Variants in SLC43A2 observed in about 807,000 individuals in gnomAD.
SLC43A2 encodes the protein large neutral amino acids transporter small subunit 4.
Under a neutral mutation model 63.2 loss-of-function variants are expected in SLC43A2, and 38 were observed. That is an observed-to-expected ratio of 0.60 (90% CI 0.46 to 0.79). The LOEUF is 0.79. Among genes scored for constraint, SLC43A2 ranks in the 30% least tolerant of loss-of-function variants. The pLI, the probability that SLC43A2 is intolerant of heterozygous loss-of-function variation, is 0.00. For synonymous variants in SLC43A2, 322 were observed against 331.0 expected (o/e 0.97, Z 0.30); for missense variants, 644 against 756.2 (o/e 0.85, Z 1.74).
chr17:1,601,729 G>A (rs1465678080), intron 5 of SLC43A2, among the ~76,000 whole-genome samples: 1 of 150,022 alleles, frequency 6.7e-6, no homozygotes, highest in Non-Finnish European at 1.5e-5. Context: ...CTGCCCTCCC[G>A]AAGGTCCAAA....
In SLC43A2 at chr17:1,575,418, G is replaced by T. The variant is rs7342891; in HGVS notation, c.*186C>A. On this transcript the variant is annotated 3_prime_UTR_variant, in exon 14 of 14. Transcript: ENST00000301335. ...GCCCCTGCGTTCGGCAGGAGAAAAC[G>T]CGCGTGTCCGGGGCCCTCTCCCGTC... The T allele has an allele frequency of 0.45, 326,240 of 722,598 alleles. 74,587 individuals carry two copies. The highest frequency in any genetic ancestry group is 0.48 in the Middle Eastern group (1,233 of 2,560). The allele number at this position is 722,598 out of a possible 1,614,324, so 44.8% of individuals were successfully genotyped here.
chr17:1,583,505 C>CAG lies in SLC43A2; in HGVS notation c.1218-170_1218-169insCT. The stretch of plus-strand genomic sequence containing the variant: ...GGGCTGGACCAGCACTACGGACACT[C>CAG]CCCGGCCCTTCTCAGTGGCAAGCTG... On this transcript the variant is annotated intron_variant, in intron 10 of 13. Transcript: ENST00000301335. The surrounding 1 kb of genome is among the most constrained non-coding windows in gnomAD (Gnocchi z 5.5). 7.6e-6 allele frequency: 9 copies of CAG among 1,185,976 alleles called. No homozygotes were observed. The highest frequency in any genetic ancestry group is 1.0e-5 in the Non-Finnish European group (9 of 875,186). The allele number at this position is 1,185,976 out of a possible 1,614,324, so 73.5% of individuals were successfully genotyped here.
intron 6 of SLC43A2, 36 bp from the exon 7 acceptor site, chr17:1,591,735 G>GGGGCA: frequency 1.5e-6 from 1 of 652,928 alleles, no homozygotes; most frequent in South Asian, 1.9e-5. Context: ...GGGGGGGGGA[G>GGGGCA]GGGGCAGAGT....
chr17:1,580,339 C>G (rs1157214745), intron 11 of SLC43A2, among the ~76,000 whole-genome samples: 1 of 152,160 alleles, frequency 6.6e-6, no homozygotes, highest in Non-Finnish European at 1.5e-5. Flanking sequence ...CCGTGGAAGT[C>G]GGCAAACACT....
chr17:1,585,955 C>T lies in SLC43A2; in HGVS notation c.1175G>A (p.Cys392Tyr), dbSNP rs1041921808. The change falls in exon 10 of 14, where the codon TGT becomes TAT. Residue 392 changes from cysteine (C) to tyrosine (Y), a missense_variant. Cys to Tyr is a radical substitution (Grantham distance 194). Coordinates refer to ENST00000301335, the MANE Select transcript of SLC43A2 (RefSeq NM_152346.3). ...GYIMDWRLKE[C>Y]EDASEEPEEK... Reference sequence around the variant, plus strand: ...CTCGGGCTCCTCGGAGGCGTCTTCACACTCCTTCAGCCTCCAGTCCATGAT... The same window carrying T: ...CTCGGGCTCCTCGGAGGCGTCTTCATACTCCTTCAGCCTCCAGTCCATGAT... The T allele has an allele frequency of 6.2e-7, 1 of 1,613,610 alleles. No homozygotes were observed. Among genetic ancestry groups the T allele is most frequent in the Non-Finnish European group, 8.5e-7 (1 of 1,180,020 alleles).
In SLC43A2 at chr17:1,583,887, G is replaced by GT. The variant is rs2076057927; in HGVS notation, c.1218-552dup. 6.6e-6 allele frequency among the ~76,000 whole-genome samples: 1 copy of GT among 151,650 alleles called. No individual in the cohort carries two copies. The highest frequency in any genetic ancestry group is 1.9e-4 in the East Asian group (1 of 5,146). ...ACTGTTTTTTGTTTTGTTTTGTTTTGTTTTTTTGTTCTTTGGGTTTTTTTT... is the reference window on the plus strand; with the variant it reads ...ACTGTTTTTTGTTTTGTTTTGTTTTGTTTTTTTTGTTCTTTGGGTTTTTTTT... On this transcript the variant is annotated intron_variant, in intron 10 of 13. Coordinates refer to ENST00000301335, the MANE Select transcript of SLC43A2 (RefSeq NM_152346.3). This position sits in a 1 kb window ranked among gnomAD's most constrained non-coding sequence, Gnocchi z 5.5.
intron 13 of SLC43A2, among the ~76,000 whole-genome samples, chr17:1,576,097 T>C (rs1422324882): frequency 4.6e-5 from 5 of 108,186 alleles, no homozygotes; most frequent in African/African-American, 1.6e-4. Flanking sequence ...TTTTTTTTTT[T>C]TGAGACGAAG....
intron 1 of SLC43A2, chr17:1,628,329 C>T (rs1312433568): frequency 6.4e-6 from 1 of 155,314 alleles, no homozygotes; most frequent in East Asian, 1.9e-4. Flanking sequence ...CTGCCTCTCC[C>T]AGGGACCCTG....
rs1312434768 is a variant in SLC43A2, at chr17:1,604,387, T to C, written c.501+8808A>G. ...AAATTTGTTTTTGGAGATGAGGTCA[T>C]GCTGTATTGCCCAGGCTGGAGCGCA... On this transcript the variant is annotated intron_variant, in intron 5 of 13. Coordinates refer to ENST00000301335, the MANE Select transcript of SLC43A2 (RefSeq NM_152346.3). 3.5e-5 allele frequency: 8 copies of C among 225,414 alleles called. No individual in the cohort carries two copies. In the South Asian group the frequency reaches 5.5e-4, roughly 16 times the overall value. The allele number at this position is 225,414 out of a possible 1,614,324, so 14.0% of individuals were successfully genotyped here.
At chr17:1,626,084 AAC>A (rs1018369840) in intron 2 of SLC43A2, among the ~76,000 whole-genome samples, 1 of 151,504 alleles carries the variant, frequency 6.6e-6, no homozygotes, top group African/African-American at 2.4e-5. Flanking sequence ...TTAAAAAAAA[AAC>A]ACACAAAAAA....
chr17:1,584,814 C>T (rs919377452), intron 10 of SLC43A2, among the ~76,000 whole-genome samples: 9 of 113,988 alleles, frequency 7.9e-5, no homozygotes, highest in African/African-American at 1.9e-4. Context: ...AGCGAGACTC[C>T]GTCTCAAAAA....
intron 9 of SLC43A2, chr17:1,587,099 G>GCACTGCGTTTCCCA (rs1421811608): frequency 5.0e-5 from 52 of 1,030,940 alleles, no homozygotes; most frequent in African/African-American, 4.1e-4. Flanking sequence ...TGCGTTTCCC[G>GCACTGCGTTTCCCA]CACTGCATTT....
chr17:1,605,142 T>C lies in SLC43A2; in HGVS notation c.501+8053A>G. The C allele has an allele frequency of 7.9e-7, 1 of 1,270,460 alleles. No homozygotes were observed. The highest frequency in any genetic ancestry group is 1.0e-6 in the Non-Finnish European group (1 of 998,914). 78.7% of individuals were successfully genotyped at this position (1,270,460 alleles called of 1,614,324 possible). ...TGCTTCCCACAGCCCCCTCGCCGCCTCTGCCTCCGTGCGGGTCAACCTGTC... is the reference window on the plus strand; with the variant it reads ...TGCTTCCCACAGCCCCCTCGCCGCCCCTGCCTCCGTGCGGGTCAACCTGTC... On this transcript the variant is annotated intron_variant, in intron 5 of 13. Coordinates refer to ENST00000301335, the MANE Select transcript of SLC43A2 (RefSeq NM_152346.3). This position sits in a 1 kb window ranked among gnomAD's most constrained non-coding sequence, Gnocchi z 4.9.
At chr17:1,582,565 G>A (rs530917983) in intron 11 of SLC43A2, among the ~76,000 whole-genome samples, 21 of 152,266 alleles carry the variant, frequency 1.4e-4, no homozygotes, top group Non-Finnish European at 2.2e-4. Flanking sequence ...ACTCTACAGC[G>A]ACCCCACACA....
Position 1,593,138 on chromosome 17 carries a change from C to A in SLC43A2, c.594+49G>T, listed in dbSNP as rs1363652012. 1.9e-6 allele frequency: 3 copies of A among 1,565,052 alleles called. No individual in the cohort carries two copies. Among genetic ancestry groups the A allele is most frequent in the Non-Finnish European group, 2.6e-6 (3 of 1,143,964 alleles). ...CCCTCTTCAGAGAGGGTGGAAGGAG[C>A]CTGGAGCAGGCCTCTGCACAGACAC... is the stretch of plus-strand genomic sequence containing the variant. On this transcript the variant is annotated intron_variant, in intron 6 of 13. Coordinates refer to ENST00000301335, the MANE Select transcript of SLC43A2 (RefSeq NM_152346.3). This position sits in a 1 kb window ranked among gnomAD's most constrained non-coding sequence, Gnocchi z 5.3.
chr17:1,612,004 G>A (rs965366673), intron 5 of SLC43A2, among the ~76,000 whole-genome samples: 2 of 151,946 alleles, frequency 1.3e-5, no homozygotes, highest in East Asian at 1.9e-4. Context: ...TGGCTCTGTC[G>A]CCCAGGCTGG....
intron 2 of SLC43A2, among the ~76,000 whole-genome samples, chr17:1,617,149 C>A (rs1402339028): frequency 6.6e-6 from 1 of 152,218 alleles, no homozygotes; most frequent in Non-Finnish European, 1.5e-5. Context: ...CCTCAGGGCC[C>A]AGCCTTGGCT....
At position 1,577,881 on chromosome 17, in the gene SLC43A2, C is replaced by T. The variant is rs1406963302; in HGVS notation, c.1424+369G>A. ...GGGCAACTGGAACTTCCGCATTTAG[C>T]TTCAGGCAGCCAGAACCTACCCATC... On this transcript the variant is annotated intron_variant, in intron 12 of 13. Transcript: ENST00000301335. The surrounding 1 kb of genome is among the most constrained non-coding windows in gnomAD (Gnocchi z 4.9). Among the ~76,000 whole-genome samples the T allele has an allele frequency of 6.6e-6, 1 of 152,184 alleles. No homozygotes were observed. The highest frequency in any genetic ancestry group is 2.4e-5 in the African/African-American group (1 of 41,462).
At chr17:1,591,158 G>T in intron 8 of SLC43A2, 111 bp downstream of exon 8, 2 of 1,421,060 alleles carry the variant, frequency 1.4e-6, no homozygotes, top group East Asian at 2.4e-5. Context: ...CGCCTCTGCA[G>T]AACAGGGCGG....
Sources: gnomAD v4.1 joint callset for allele counts (sites outside exome capture counted in the v4.1 genomes callset) on GRCh38, gnomAD v4.1.1 for gene constraint, Gnocchi (gnomAD v3.1) non-coding constraint, MANE v1.5 for transcripts, NCBI Gene and HGNC (gene_info 2026-07-23, HGNC 2026-07-21) for gene names.